The following RELN variants were observed in gnomAD, a reference collection of about 807,000 sequenced individuals.
RELN encodes reelin.
Under a neutral mutation model 427.6 loss-of-function variants are expected in RELN, and 108 were observed. That is an observed-to-expected ratio of 0.25 (90% CI 0.22 to 0.30). RELN has a LOEUF of 0.30. RELN is among the 10% of genes least tolerant of loss of function. The pLI, the probability that RELN is intolerant of heterozygous loss-of-function variation, is 1.00. For missense variants in RELN, 3,715 were observed against 4,302.8 expected (o/e 0.86, Z 3.82); for synonymous variants, 1,524 against 1,513.4 (o/e 1.01, Z -0.16).
chr7:103,853,299 A>T (rs1047795705), intron 2 of RELN, among the ~76,000 whole-genome samples: 1 of 152,060 alleles, frequency 6.6e-6, no homozygotes, highest in Non-Finnish European at 1.5e-5. Context: ...AATTTGGGTT[A>T]TTTGTTAAAA....
intron 2 of RELN, among the ~76,000 whole-genome samples, chr7:103,837,028 C>G (rs552823213): frequency 6.6e-6 from 1 of 151,728 alleles, no homozygotes; most frequent in Non-Finnish European, 1.5e-5. Flanking sequence ...AAAAAATATT[C>G]TCCTATGTTT....
At chr7:103,690,711 G>GA (rs1193050821) in intron 10 of RELN, among the ~76,000 whole-genome samples, 1 of 152,120 alleles carries the variant, frequency 6.6e-6, no homozygotes, top group Non-Finnish European at 1.5e-5. Context: ...CTTACTCTGG[G>GA]AGATTACGAA....
chr7:103,830,576 C>T (rs962056444), intron 3 of RELN, among the ~76,000 whole-genome samples: 12 of 151,786 alleles, frequency 7.9e-5, no homozygotes, highest in Admixed American at 3.9e-4. Context: ...CAATCCTCTT[C>T]GAGGATTCCT....
At chr7:103,756,260 GCCATTTTAGAAAGAC>G (rs1407643820) in intron 4 of RELN, among the ~76,000 whole-genome samples, 1 of 152,184 alleles carries the variant, frequency 6.6e-6, no homozygotes, top group Non-Finnish European at 1.5e-5. Context: ...GCAGGAGAGG[GCCATTTTAGAAAGAC>G]CCACTGAGTC....
At chr7:103,593,606 T>C (rs1416915047) in intron 27 of RELN, 76 bp downstream of exon 27, 24 of 1,282,116 alleles carry the variant, frequency 1.9e-5, no homozygotes, top group Non-Finnish European at 2.7e-5. Context: ...TTTGTGTTCT[T>C]TGTGAGTTCC....
intron 4 of RELN, among the ~76,000 whole-genome samples, chr7:103,756,263 A>G (rs1369481221): frequency 1.3e-5 from 2 of 152,224 alleles, no homozygotes; most frequent in African/African-American, 2.4e-5. Context: ...GGAGAGGGCC[A>G]TTTTAGAAAG....
chr7:103,618,041 C>T (rs1832124512), intron 20 of RELN, among the ~76,000 whole-genome samples: 1 of 152,166 alleles, frequency 6.6e-6, no homozygotes, highest in Non-Finnish European at 1.5e-5. Context: ...ACTTCTTGTA[C>T]AGTCTGCAGA....
intron 11 of RELN, among the ~76,000 whole-genome samples, chr7:103,670,279 A>G (rs549468472): frequency 1.3e-5 from 2 of 152,134 alleles, no homozygotes; most frequent in Non-Finnish European, 2.9e-5. Flanking sequence ...ATAAGTATGT[A>G]TATGTGTGCA....
intron 1 of RELN, among the ~76,000 whole-genome samples, chr7:103,977,425 A>G (rs1269850034): frequency 1.3e-5 from 2 of 151,888 alleles, no homozygotes; most frequent in African/African-American, 4.8e-5. Context: ...CCTATACTGC[A>G]GTGTGCAACT....
rs182122234 is a variant in RELN, at chr7:103,751,018, G to A, written c.578-1514C>T. ...TTTCATGGCTGGCTACGGTGTAAGT[G>A]TGCTTATTTTAAAGGTTGTGTGAGA... On this transcript the variant is annotated intron_variant, in intron 5 of 64. Transcript: ENST00000428762. Among the ~76,000 whole-genome samples the A allele has an allele frequency of 4.7e-3, 717 of 152,256 alleles. 3 individuals are homozygous for A. The highest frequency in any genetic ancestry group is 6.8e-3 in the Middle Eastern group (2 of 292).
At chr7:103,694,685 G>A (rs186536450) in intron 10 of RELN, among the ~76,000 whole-genome samples, 1 of 152,106 alleles carries the variant, frequency 6.6e-6, no homozygotes, top group African/African-American at 2.4e-5. Context: ...TACTCTTTGA[G>A]ATAATCAAGA....
chr7:103,774,553 A>T (rs1791689727), intron 4 of RELN, among the ~76,000 whole-genome samples: 1 of 152,184 alleles, frequency 6.6e-6, no homozygotes, highest in African/African-American at 2.4e-5. Flanking sequence ...GTGCTGTGGT[A>T]TATGGTGACT....
At chr7:103,642,555 C>T (rs536988435) in intron 16 of RELN, among the ~76,000 whole-genome samples, 81 of 152,058 alleles carry the variant, frequency 5.3e-4, no homozygotes, top group African/African-American at 1.9e-3. Flanking sequence ...ATATCTTTAC[C>T]CTTTCCCATT....
chr7:103,855,423 T>C (rs1793921728), intron 2 of RELN, among the ~76,000 whole-genome samples: 1 of 152,026 alleles, frequency 6.6e-6, no homozygotes, highest in Non-Finnish European at 1.5e-5. Context: ...GAAAGTAAAA[T>C]AGTAGTGGCA....
At chr7:103,558,736 A>G (rs868848504) in intron 36 of RELN, among the ~76,000 whole-genome samples, 13 of 152,202 alleles carry the variant, frequency 8.5e-5, no homozygotes, top group Non-Finnish European at 1.5e-4. Context: ...TCTTGGGTAC[A>G]TAGGATTGCA....
At chr7:103,851,027 C>T (rs1267425452) in intron 2 of RELN, among the ~76,000 whole-genome samples, 1 of 152,184 alleles carries the variant, frequency 6.6e-6, no homozygotes, top group Non-Finnish European at 1.5e-5. Context: ...AAGATACTTG[C>T]ACAGGCGTAT....
At chr7:103,695,213 AT>A (rs1833952910) in intron 10 of RELN, among the ~76,000 whole-genome samples, 4 of 152,144 alleles carry the variant, frequency 2.6e-5, no homozygotes, top group Admixed American at 2.6e-4. Context: ...GGCAAAAGCA[AT>A]TCTTTCATTC....
In RELN at chr7:103,635,564, G is replaced by A; in HGVS notation, c.2326C>T (p.Leu776=). 6.2e-7 allele frequency: 1 copy of A among 1,613,916 alleles called. No homozygotes were observed. Among genetic ancestry groups the A allele is most frequent in the Non-Finnish European group, 8.5e-7 (1 of 1,179,874 alleles). Residue 776 remains leucine (L), a synonymous_variant, in exon 19 of 65, where the codon CTG becomes TTG. Coordinates refer to ENST00000428762, the MANE Select transcript of RELN (RefSeq NM_005045.4). ...QSRFLQFTLR[L]GSKSVLSTCR... ...GTGCTCAGAACAGATTTGCTCCCCA[G>A]TCTCAGTGTGAACTGGAGAAACCTA...
At chr7:103,881,819 T>C (rs940048851) in intron 2 of RELN, among the ~76,000 whole-genome samples, 2 of 152,326 alleles carry the variant, frequency 1.3e-5, no homozygotes, top group East Asian at 3.9e-4. Context: ...TAAATGTTAC[T>C]GTTTTAAGCA....
Sources: gnomAD v4.1 joint callset for allele counts (sites outside exome capture counted in the v4.1 genomes callset) on GRCh38, gnomAD v4.1.1 for gene constraint, MANE v1.5 for transcripts, NCBI Gene and HGNC (gene_info 2026-07-23, HGNC 2026-07-21) for gene names.